Variants in FTO observed in about 807,000 individuals in gnomAD.
FTO encodes the protein alpha-ketoglutarate-dependent dioxygenase FTO.
Under a neutral mutation model 63.9 loss-of-function variants are expected in FTO, and 47 were observed. The observed-to-expected ratio is 0.74, with a 90% CI of 0.58 to 0.94. The LOEUF (loss-of-function observed/expected upper bound fraction) is 0.94, where lower values mean the gene tolerates loss of function less well. Ranked by LOEUF, FTO falls within the 40% of genes least tolerant of loss-of-function variation. The pLI is 0.00. For synonymous variants in FTO, 207 were observed against 224.4 expected (o/e 0.92, Z 0.69); for missense variants, 562 against 618.1 (o/e 0.91, Z 0.96).
chr16:53,711,532 G>C (rs1264237556), intron 1 of FTO: 1 of 398,178 alleles, frequency 2.5e-6, no homozygotes, highest in Non-Finnish European at 4.4e-6. Context: ...ACATGGCCTA[G>C]TAGTCATGGA....
intron 7 of FTO, among the ~76,000 whole-genome samples, chr16:53,927,565 G>C (rs1180713708): frequency 6.6e-6 from 1 of 152,154 alleles, no homozygotes; most frequent in Non-Finnish European, 1.5e-5. Context: ...CATTGGAAGG[G>C]CAGATCACCC....
chr16:53,785,627 G>A lies in FTO; in HGVS notation c.46-24513G>A, dbSNP rs78248349. Among the ~76,000 whole-genome samples, 384 of 152,158 alleles carry A rather than the reference G, an allele frequency of 2.5e-3. 2 individuals are homozygous for A. The highest frequency in any genetic ancestry group is 8.9e-3 in the African/African-American group (369 of 41,524). On this transcript the variant is annotated intron_variant, in intron 1 of 8. Transcript: ENST00000471389. Reference sequence around the variant, plus strand: ...GGACAGACTTGCTATGATTAAGAAAGATAGCTGGGCGCGGTGGCTCATGCC... The same window carrying A: ...GGACAGACTTGCTATGATTAAGAAAAATAGCTGGGCGCGGTGGCTCATGCC...
chr16:53,894,513 G>A (rs2081229443), intron 7 of FTO, among the ~76,000 whole-genome samples: 1 of 152,108 alleles, frequency 6.6e-6, no homozygotes. Flanking sequence ...AGTTCAATTA[G>A]CTAAGTTTAT....
At chr16:53,733,910 T>C (rs190752108) in intron 1 of FTO, among the ~76,000 whole-genome samples, 3 of 152,240 alleles carry the variant, frequency 2.0e-5, no homozygotes, top group Admixed American at 6.5e-5. Context: ...AAGGAAGATA[T>C]AAAACAAGAA....
Position 53,825,958 on chromosome 16 carries a change from A to G in FTO, c.218A>G (p.His73Arg), listed in dbSNP as rs778065726. The G allele has an allele frequency of 6.2e-7, 1 of 1,614,200 alleles. No homozygotes were observed. The highest frequency in any genetic ancestry group is 1.1e-5 in the South Asian group (1 of 91,082). The change falls in exon 3 of 9, where the codon CAC (histidine) becomes CGC (arginine). Residue 73 changes from histidine (H) to arginine (R), a missense_variant. His to Arg is a conservative substitution (Grantham distance 29). Coordinates refer to ENST00000471389, the MANE Select transcript of FTO (RefSeq NM_001080432.3). ...KEVQEAFLTL[H>R]KHGCLFRDLV... ...GTTCAAGAAGCCTTTCTCACACTGCACAAGCATGGCTGCTTATTTCGGGAC... is the reference window on the plus strand; with the variant it reads ...GTTCAAGAAGCCTTTCTCACACTGCGCAAGCATGGCTGCTTATTTCGGGAC...
At chr16:53,750,223 C>T (rs541224966) in intron 1 of FTO, among the ~76,000 whole-genome samples, 1 of 151,824 alleles carries the variant, frequency 6.6e-6, no homozygotes, top group Non-Finnish European at 1.5e-5. Flanking sequence ...TGGCTTTTTT[C>T]TTTTTCTTTT....
In FTO at chr16:53,979,566, T is replaced by TGTGC. The variant is rs1555499751; in HGVS notation, c.1364+45458_1364+45459insTGCG. ...GTGTGTGTGTGTGTGTGTGTGTGTG[T>TGTGC]GCGCGCGTGTGTGAATTTCTTGTCC... On this transcript the variant is annotated intron_variant, in intron 8 of 8. Transcript: ENST00000471389. The TGTGC allele has an allele frequency of 6.0e-4, 200 of 331,756 alleles. 1 individual carries two copies. In the East Asian group the frequency reaches 7.9e-3, roughly 13 times the overall value. The allele number at this position is 331,756 out of a possible 1,614,324, so 20.6% of individuals were successfully genotyped here.
At chr16:54,086,932 T>A (rs9937121) in intron 8 of FTO, among the ~76,000 whole-genome samples, 77,969 of 152,036 alleles carry the variant, frequency 0.51, 20,253 homozygotes, top group Middle Eastern at 0.57. Flanking sequence ...CCGGCCCCCA[T>A]AAGGAAAAAG....
intron 8 of FTO, among the ~76,000 whole-genome samples, chr16:53,957,255 G>A (rs2082952363): frequency 1.3e-5 from 2 of 152,180 alleles, no homozygotes. Context: ...ATTAAACCAC[G>A]ATTTGACAGG....
At chr16:53,711,706 TTAGA>T in intron 1 of FTO, among the ~76,000 whole-genome samples, 1 of 152,312 alleles carries the variant, frequency 6.6e-6, no homozygotes, top group Admixed American at 6.5e-5. Context: ...CTGGCTTAGG[TTAGA>T]TAATCTTTTA....
At chr16:53,936,627 C>T (rs1276834939) in intron 8 of FTO, among the ~76,000 whole-genome samples, 1 of 152,114 alleles carries the variant, frequency 6.6e-6, no homozygotes, top group Non-Finnish European at 1.5e-5. Context: ...CGGAATTACA[C>T]AAGGAAAAAT....
chr16:54,033,695 T>C (rs1479901986), intron 8 of FTO, among the ~76,000 whole-genome samples: 1 of 152,112 alleles, frequency 6.6e-6, no homozygotes, highest in Non-Finnish European at 1.5e-5. Context: ...TTCATGCCTG[T>C]AATACCAGCT....
chr16:53,950,669 C>T (rs540782577), intron 8 of FTO, among the ~76,000 whole-genome samples: 24 of 152,248 alleles, frequency 1.6e-4, no homozygotes, highest in Admixed American at 1.3e-3. Context: ...TCAAATGATG[C>T]GGTAACTTAC....
At chr16:53,994,706 C>T (rs1187308981) in intron 8 of FTO, among the ~76,000 whole-genome samples, 1 of 152,014 alleles carries the variant, frequency 6.6e-6, no homozygotes, top group Non-Finnish European at 1.5e-5. Context: ...CAAAATTGTG[C>T]CCTTCCTTTC....
chr16:53,881,386 G>A (rs1452173766), intron 6 of FTO, among the ~76,000 whole-genome samples: 1 of 152,106 alleles, frequency 6.6e-6, no homozygotes, highest in Non-Finnish European at 1.5e-5. Flanking sequence ...AAGCCTATAT[G>A]CACACCTGCC....
intron 8 of FTO, among the ~76,000 whole-genome samples, chr16:54,011,954 AAATT>A (rs2084344828): frequency 6.6e-6 from 1 of 152,318 alleles, no homozygotes. Context: ...AACAGTATTG[AAATT>A]AATTAATAAA....
At chr16:53,717,374 A>G (rs1186215097) in intron 1 of FTO, among the ~76,000 whole-genome samples, 2 of 152,138 alleles carry the variant, frequency 1.3e-5, no homozygotes, top group Admixed American at 6.5e-5. Context: ...TTTCCTAATT[A>G]TTATATTTGG....
chr16:54,097,683 G>T (rs1384955865), intron 8 of FTO, among the ~76,000 whole-genome samples: 1 of 152,172 alleles, frequency 6.6e-6, no homozygotes, highest in Non-Finnish European at 1.5e-5. Flanking sequence ...ATAGCAGTGA[G>T]CAAAACAGAC....
intron 6 of FTO, chr16:53,887,873 A>C (rs1598913206): frequency 6.6e-6 from 1 of 152,222 alleles, no homozygotes; most frequent in South Asian, 2.1e-4. Flanking sequence ...AATTAGTTTT[A>C]TATATATAGG....
Sources: allele counts gnomAD v4.1 joint callset (sites outside exome capture counted in the v4.1 genomes callset), GRCh38; gene constraint gnomAD v4.1.1; transcripts MANE v1.5; gene names NCBI Gene and HGNC (gene_info 2026-07-23, HGNC 2026-07-21).